HMGCLL1: variants seen among roughly 807,000 people sequenced by gnomAD.
HMGCLL1 encodes 3-hydroxy-3-methylglutaryl-CoA lyase like 1.
In HMGCLL1, 36 loss-of-function variants were observed where a neutral mutation model predicts 39.1. That is an observed-to-expected ratio of 0.92 (90% confidence interval 0.71 to 1.22). The LOEUF is 1.22. HMGCLL1 is among the 50% of genes most tolerant of loss of function. The pLI, the probability that HMGCLL1 is intolerant of heterozygous loss-of-function variation, is 0.00. For missense variants in HMGCLL1, 451 were observed against 416.5 expected, an observed-to-expected ratio of 1.08 and a Z score of -0.72; for synonymous variants, 149 against 144.0, an observed-to-expected ratio of 1.03 and a Z score of -0.25.
intron 6 of HMGCLL1, among the ~76,000 whole-genome samples, 181 bp from the exon 7 acceptor site, chr6:55,495,788 A>C (rs1189144315): frequency 6.6e-6 from 1 of 152,134 alleles, no homozygotes; most frequent in Non-Finnish European, 1.5e-5. Flanking sequence ...ACATTATATA[A>C]GACTTTGAGA....
chr6:55,623,017 ACTT>A, the HMGCLL1 span, among the ~76,000 whole-genome samples: 33 of 151,950 alleles, frequency 2.2e-4, no homozygotes, highest in Admixed American at 8.5e-4. Context: ...GAATTTGTAT[ACTT>A]CTTCTAGGAT....
At chr6:55,474,508 C>A (rs1374797616) in intron 7 of HMGCLL1, among the ~76,000 whole-genome samples, 1 of 151,282 alleles carries the variant, frequency 6.6e-6, no homozygotes, top group Non-Finnish European at 1.5e-5. Flanking sequence ...GGTTTACATT[C>A]CCGTCTCTTT....
intron 1 of HMGCLL1, among the ~76,000 whole-genome samples, chr6:55,549,629 A>T (rs148939735): frequency 6.6e-6 from 1 of 151,952 alleles, no homozygotes. Context: ...TTCAAGTTCA[A>T]ACTCCTAAGA....
intron 8 of HMGCLL1, among the ~76,000 whole-genome samples, chr6:55,436,937 G>T (rs1376158539): frequency 6.6e-6 from 1 of 151,984 alleles, no homozygotes; most frequent in African/African-American, 2.4e-5. Context: ...GCTTTACGTG[G>T]AGTATCTGTT....
intron 7 of HMGCLL1, among the ~76,000 whole-genome samples, chr6:55,493,895 G>A (rs1766448688): frequency 6.6e-6 from 1 of 151,926 alleles, no homozygotes; most frequent in Non-Finnish European, 1.5e-5. Flanking sequence ...ACCACGCCTG[G>A]CTAATTTTTT....
At chr6:55,602,170 T>C in the HMGCLL1 span, among the ~76,000 whole-genome samples, 1 of 152,120 alleles carries the variant, frequency 6.6e-6, no homozygotes, top group Non-Finnish European at 1.5e-5. Context: ...GCAGAATGTA[T>C]GCAGAGCATA....
At chr6:55,534,114 G>T (rs913675951) in intron 3 of HMGCLL1, among the ~76,000 whole-genome samples, 1 of 152,072 alleles carries the variant, frequency 6.6e-6, no homozygotes, top group African/African-American at 2.4e-5. Flanking sequence ...GTGGATAGGA[G>T]TGAGGTAAGT....
the HMGCLL1 span, among the ~76,000 whole-genome samples, chr6:55,639,126 C>T: frequency 1.3e-5 from 2 of 151,858 alleles, no homozygotes; most frequent in South Asian, 4.1e-4. Context: ...GGTATTTATA[C>T]TTGCTGCAAA....
intron 3 of HMGCLL1, among the ~76,000 whole-genome samples, chr6:55,532,320 T>G (rs1261098729): frequency 6.6e-6 from 1 of 152,112 alleles, no homozygotes; most frequent in Non-Finnish European, 1.5e-5. Flanking sequence ...TATGAGCATA[T>G]TAAACAATAA....
At chr6:55,478,134 T>C (rs1765557137) in intron 7 of HMGCLL1, among the ~76,000 whole-genome samples, 1 of 151,094 alleles carries the variant, frequency 6.6e-6, no homozygotes, top group Non-Finnish European at 1.5e-5. Flanking sequence ...ATGAATTTTA[T>C]TTTACACCTA....
the HMGCLL1 span, among the ~76,000 whole-genome samples, chr6:55,674,179 C>T: frequency 1.3e-5 from 2 of 151,712 alleles, no homozygotes; most frequent in Non-Finnish European, 2.9e-5. Context: ...TTTTATATTC[C>T]TGACTCCCAC....
At chr6:55,631,089 A>G in the HMGCLL1 span, among the ~76,000 whole-genome samples, 2 of 151,990 alleles carry the variant, frequency 1.3e-5, no homozygotes, top group Non-Finnish European at 2.9e-5. Context: ...TACTTGAATC[A>G]TTAATACCTC....
At chr6:55,661,523 G>T in the HMGCLL1 span, among the ~76,000 whole-genome samples, 1 of 151,886 alleles carries the variant, frequency 6.6e-6, no homozygotes, top group Non-Finnish European at 1.5e-5. Flanking sequence ...GATGATTGTA[G>T]GTGTGTGGAC....
intron 7 of HMGCLL1, among the ~76,000 whole-genome samples, chr6:55,488,013 T>A (rs1766126979): frequency 6.6e-6 from 1 of 151,996 alleles, no homozygotes; most frequent in African/African-American, 2.4e-5. Context: ...ACTCTTTGAA[T>A]TAGGTATATG....
the HMGCLL1 span, among the ~76,000 whole-genome samples, chr6:55,663,677 G>A: frequency 1.3e-5 from 2 of 151,680 alleles, no homozygotes; most frequent in Non-Finnish European, 1.5e-5. Flanking sequence ...GCTCTGGAGA[G>A]GTCTATCAGA....
chr6:55,648,113 G>T, the HMGCLL1 span, among the ~76,000 whole-genome samples: 1 of 133,064 alleles, frequency 7.5e-6, no homozygotes, highest in Admixed American at 7.8e-5. Flanking sequence ...CATTTTTTAT[G>T]GCTGCATAGT....
At chr6:55,631,989 T>A in the HMGCLL1 span, among the ~76,000 whole-genome samples, 3 of 152,132 alleles carry the variant, frequency 2.0e-5, no homozygotes, top group Admixed American at 6.6e-5. Flanking sequence ...GAAATTAGTT[T>A]CTATGAACTC....
At chr6:55,585,547 A>T in the HMGCLL1 span, among the ~76,000 whole-genome samples, 17 of 152,138 alleles carry the variant, frequency 1.1e-4, no homozygotes, top group Non-Finnish European at 2.4e-4. Flanking sequence ...TCCAGAGATT[A>T]TATCATTCTT....
chr6:55,641,091 C>A, the HMGCLL1 span, among the ~76,000 whole-genome samples: 1 of 150,544 alleles, frequency 6.6e-6, no homozygotes. Flanking sequence ...TATTACTGAG[C>A]AATTATTAAA....
Sources: gnomAD v4.1 joint callset for allele counts (sites outside exome capture counted in the v4.1 genomes callset) on GRCh38, gnomAD v4.1.1 for gene constraint, MANE v1.5 for transcripts, NCBI Gene and HGNC (gene_info 2026-07-23, HGNC 2026-07-21) for gene names.